The following SH3PXD2A variants were observed in gnomAD, a reference collection of about 807,000 sequenced individuals.
The protein encoded by SH3PXD2A is SH3 and PX domains 2A.
SH3PXD2A carries 32 observed loss-of-function variants against 115.2 expected under a neutral mutation model. That is an observed-to-expected ratio of 0.28 (90% confidence interval 0.21 to 0.37). SH3PXD2A has a LOEUF of 0.37. SH3PXD2A is among the 10% of genes least tolerant of loss of function. SH3PXD2A has a pLI of 1.00. For synonymous variants in SH3PXD2A, 610 were observed against 629.1 expected (o/e 0.97, Z 0.45); for missense variants, 1,328 against 1,498.7 (o/e 0.89, Z 1.88).
rs556488512 is a variant in SH3PXD2A at position 103,678,158 on chromosome 10, A to C, written c.428-9506T>G. On this transcript the variant is annotated intron_variant, in intron 6 of 14. Transcript: ENST00000369774. ...GAGCAGGAACGACCCGTTCATGTGT[A>C]ATGTCTGGGGGGAGCAGGGCTTGGT... 7.8e-5 allele frequency: 100 copies of C among 1,289,074 alleles called. 1 individual carries two copies. The South Asian group carries it at 1.2e-3, about 15-fold the overall frequency. 79.9% of individuals were successfully genotyped at this position (1,289,074 alleles called of 1,614,324 possible). A position where few individuals can be genotyped will look rare whatever the true frequency, so the allele number is the denominator to read the frequency against.
At chr10:103,798,093 A>G (rs910192492) in intron 2 of SH3PXD2A, among the ~76,000 whole-genome samples, 4 of 152,154 alleles carry the variant, frequency 2.6e-5, no homozygotes, top group African/African-American at 7.2e-5. Context: ...GGAACAAAGG[A>G]AAACATCTGA....
chr10:103,829,304 T>C (rs2039462913), intron 1 of SH3PXD2A, among the ~76,000 whole-genome samples: 1 of 152,176 alleles, frequency 6.6e-6, no homozygotes, highest in Non-Finnish European at 1.5e-5. Context: ...CACGCAGGCA[T>C]CCGATCTTCT....
chr10:103,781,827 G>A (rs1223638197), intron 2 of SH3PXD2A, among the ~76,000 whole-genome samples: 2 of 152,198 alleles, frequency 1.3e-5, no homozygotes, highest in African/African-American at 4.8e-5. Flanking sequence ...CTAGGTGAAT[G>A]GGCCACACCT....
At chr10:103,622,583 G>T in intron 9 of SH3PXD2A, 30 bp from the exon 10 acceptor site, 1 of 1,466,140 alleles carries the variant, frequency 6.8e-7, no homozygotes, top group Non-Finnish European at 9.3e-7. Flanking sequence ...TGGAGCATGC[G>T]GCCAACAGCA....
chr10:103,736,728 C>A, intron 3 of SH3PXD2A: 1 of 1,273,388 alleles, frequency 7.9e-7, no homozygotes, highest in Non-Finnish European at 1.0e-6. Flanking sequence ...TGAGTTATAG[C>A]ACTTGTGACC....
At chr10:103,692,903 C>T in intron 6 of SH3PXD2A, 125 bp downstream of exon 6, 1 of 779,198 alleles carries the variant, frequency 1.3e-6, no homozygotes. Context: ...CGGCAGGACC[C>T]GTAGGCTGGC....
chr10:103,734,972 G>A (rs1350088388), intron 4 of SH3PXD2A, among the ~76,000 whole-genome samples: 3 of 152,184 alleles, frequency 2.0e-5, no homozygotes, highest in Non-Finnish European at 2.9e-5. Context: ...CCTATTGGAC[G>A]GATGTGGAAA....
intron 3 of SH3PXD2A, among the ~76,000 whole-genome samples, chr10:103,766,747 G>A (rs1420535822): frequency 6.6e-6 from 1 of 152,190 alleles, no homozygotes; most frequent in Non-Finnish European, 1.5e-5. Flanking sequence ...TGATTAGAAT[G>A]GGAGTCAGTA....
chr10:103,602,818 C>T lies in SH3PXD2A; in HGVS notation c.2400G>A (p.Ser800=), dbSNP rs201684455. 182 of 1,614,034 alleles carry T rather than the reference C, an allele frequency of 1.1e-4. No homozygotes were observed. Among genetic ancestry groups the T allele is most frequent in the South Asian group, 3.3e-4 (30 of 91,084 alleles). ...CGGAGGCCGTCTGCGGGGGCAGCTCCGAATCCTCACTCTTGGAGCCCTTGA... is the reference window on the plus strand; with the variant it reads ...CGGAGGCCGTCTGCGGGGGCAGCTCTGAATCCTCACTCTTGGAGCCCTTGA... ...GGLKGSKSED[S]ELPPQTASEA... The change falls in exon 15 of 15, where the codon TCG becomes TCA. Residue 800 remains serine, a synonymous_variant. Transcript: ENST00000369774.
chr10:103,640,694 C>T (rs2036942694), intron 8 of SH3PXD2A, among the ~76,000 whole-genome samples: 1 of 152,174 alleles, frequency 6.6e-6, no homozygotes, highest in African/African-American at 2.4e-5. Context: ...GAAGGGCAGC[C>T]TCATGCTGGT....
chr10:103,768,284 C>T (rs923234226), intron 2 of SH3PXD2A, among the ~76,000 whole-genome samples: 2 of 152,178 alleles, frequency 1.3e-5, no homozygotes, highest in Admixed American at 6.5e-5. Context: ...GGTACGGGAA[C>T]AGTACAGGAG....
At chr10:103,801,063 C>T (rs777990441) in intron 2 of SH3PXD2A, among the ~76,000 whole-genome samples, 3 of 152,158 alleles carry the variant, frequency 2.0e-5, no homozygotes, top group African/African-American at 4.8e-5. Flanking sequence ...ACTGTTAAGA[C>T]CATCAGAGGA....
chr10:103,688,873 T>C (rs530948003), intron 6 of SH3PXD2A, among the ~76,000 whole-genome samples: 2 of 152,130 alleles, frequency 1.3e-5, no homozygotes, highest in East Asian at 3.9e-4. Flanking sequence ...TTCCTTCCTA[T>C]TTATTTATTT....
intron 3 of SH3PXD2A, among the ~76,000 whole-genome samples, chr10:103,738,433 C>T (rs1400063859): frequency 2.0e-5 from 3 of 152,166 alleles, no homozygotes; most frequent in African/African-American, 7.2e-5. Context: ...GATGGGTGGC[C>T]CTGGGGCTGG....
intron 4 of SH3PXD2A, among the ~76,000 whole-genome samples, chr10:103,728,448 TC>T (rs930514279): frequency 1.3e-5 from 2 of 152,204 alleles, no homozygotes; most frequent in Non-Finnish European, 2.9e-5. Context: ...TAGTTCCAGT[TC>T]TGCAGTTATA....
intron 4 of SH3PXD2A, among the ~76,000 whole-genome samples, chr10:103,727,593 G>A (rs944162496): frequency 3.3e-5 from 5 of 152,162 alleles, no homozygotes; most frequent in Non-Finnish European, 7.4e-5. Context: ...TGCCCTCCCC[G>A]CTCAGTGTGC....
intron 1 of SH3PXD2A, among the ~76,000 whole-genome samples, chr10:103,835,064 G>A (rs987390066): frequency 2.0e-5 from 3 of 152,196 alleles, no homozygotes; most frequent in Non-Finnish European, 2.9e-5. Context: ...CACACAGGTG[G>A]GGCAGAGGTG....
At chr10:103,662,359 G>GT (rs1419672223) in intron 7 of SH3PXD2A, among the ~76,000 whole-genome samples, 1 of 113,618 alleles carries the variant, frequency 8.8e-6, no homozygotes, top group Non-Finnish European at 1.8e-5. Flanking sequence ...GGGGCGGGGG[G>GT]GGATAAGACA....
At chr10:103,827,743 CT>C (rs1288767604) in intron 1 of SH3PXD2A, among the ~76,000 whole-genome samples, 1 of 152,158 alleles carries the variant, frequency 6.6e-6, no homozygotes, top group Admixed American at 6.5e-5. Flanking sequence ...AGACTATGAG[CT>C]TTTGAAGGAG....
Sources: gnomAD v4.1 joint callset for allele counts (sites outside exome capture counted in the v4.1 genomes callset) on GRCh38, gnomAD v4.1.1 for gene constraint, MANE v1.5 for transcripts, NCBI Gene and HGNC (gene_info 2026-07-23, HGNC 2026-07-21) for gene names.